XKR6: variants seen among roughly 807,000 people sequenced by gnomAD.
The protein encoded by XKR6 is XK-related protein 6.
Under a neutral mutation model 56.7 loss-of-function variants are expected in XKR6, and 22 were observed. The ratio of observed to expected loss-of-function variants is 0.39; its 90% confidence interval spans 0.28 to 0.55. The LOEUF is 0.55. XKR6 is among the 20% of genes least tolerant of loss of function. The pLI, the probability that XKR6 is intolerant of heterozygous loss-of-function variation, is 0.66. For missense variants in XKR6, 852 were observed against 889.0 expected (o/e 0.96, Z 0.53); for synonymous variants, 524 against 387.8 (o/e 1.35, Z -4.13).
At chr8:10,998,988 T>TC (rs1798179264) in intron 1 of XKR6, among the ~76,000 whole-genome samples, 1 of 152,214 alleles carries the variant, frequency 6.6e-6, no homozygotes, top group Admixed American at 6.5e-5. Flanking sequence ...CAGGAAAACC[T>TC]AGCTCCAGTG....
intron 1 of XKR6, among the ~76,000 whole-genome samples, chr8:11,075,021 G>A (rs991657851): frequency 6.6e-6 from 1 of 152,182 alleles, no homozygotes; most frequent in Non-Finnish European, 1.5e-5. Context: ...GGCTCTGAAT[G>A]GCCCACAGGA....
intron 1 of XKR6, among the ~76,000 whole-genome samples, chr8:11,178,547 A>ATATATATATATATATATATATATATAT: frequency 1.1e-5 from 1 of 88,508 alleles, no homozygotes; most frequent in African/African-American, 5.8e-5. Flanking sequence ...GAGAGGTAAA[A>ATATATATATATATATATATATATATAT]ATATATATAT....
At chr8:11,152,589 A>G (rs1801321240) in intron 1 of XKR6, among the ~76,000 whole-genome samples, 1 of 152,212 alleles carries the variant, frequency 6.6e-6, no homozygotes, top group Non-Finnish European at 1.5e-5. Flanking sequence ...GTTTGTCCTA[A>G]TAAATACAAA....
intron 1 of XKR6, among the ~76,000 whole-genome samples, chr8:11,074,930 TAGGGC>T (rs1480945159): frequency 6.6e-6 from 1 of 152,326 alleles, no homozygotes; most frequent in East Asian, 1.9e-4. Flanking sequence ...AAAGCTGCTC[TAGGGC>T]AGTGGAAAAC....
intron 1 of XKR6, among the ~76,000 whole-genome samples, chr8:11,112,701 G>C (rs1240458036): frequency 6.6e-6 from 1 of 152,162 alleles, no homozygotes; most frequent in South Asian, 2.1e-4. Flanking sequence ...ACAAGGCGAA[G>C]CTGGCCTGGG....
chr8:11,138,426 C>A (rs1231910264), intron 1 of XKR6: 1 of 152,240 alleles, frequency 6.6e-6, no homozygotes, highest in Non-Finnish European at 1.5e-5. Context: ...ATATAGCATA[C>A]TGTAGGTACC....
rs1426116160 is a variant in XKR6 at position 10,901,058 on chromosome 8, T to C, written c.962-2142A>G. On this transcript the variant is annotated intron_variant, in intron 2 of 2. Coordinates refer to ENST00000416569, the MANE Select transcript of XKR6 (RefSeq NM_173683.4). ...TGTAGAGACAGAGTTTCTACTTCTT[T>C]TTTTTTTTTTTTTTTAAGATGGAGT... Among the ~76,000 whole-genome samples the C allele has an allele frequency of 7.5e-5, 11 of 147,484 alleles. 1 individual carries two copies. Among genetic ancestry groups the C allele is most frequent in the East Asian group, 1.9e-4 (1 of 5,140 alleles).
At chr8:10,984,730 C>CTATATATA (rs1292575640) in intron 1 of XKR6, among the ~76,000 whole-genome samples, 182 of 63,628 alleles carry the variant, frequency 2.9e-3, no homozygotes, top group African/African-American at 8.6e-3. Context: ...CTCTCTCTCT[C>CTATATATA]TCTATATATA....
chr8:11,069,572 C>A (rs1323267650), intron 1 of XKR6, among the ~76,000 whole-genome samples: 1 of 152,152 alleles, frequency 6.6e-6, no homozygotes, highest in Non-Finnish European at 1.5e-5. Flanking sequence ...CCCCAACTGC[C>A]ATCTTCCCCT....
chr8:10,910,615 G>A (rs1246148997), intron 2 of XKR6, among the ~76,000 whole-genome samples: 1 of 152,158 alleles, frequency 6.6e-6, no homozygotes, highest in Non-Finnish European at 1.5e-5. Context: ...CAGCTGGCTG[G>A]GGGCTGGCGG....
intron 1 of XKR6, among the ~76,000 whole-genome samples, chr8:10,950,376 G>C (rs889850034): frequency 6.6e-6 from 1 of 152,196 alleles, no homozygotes; most frequent in Admixed American, 6.5e-5. Context: ...GCTAGAAGCA[G>C]TGCACACCCT....
At chr8:11,034,967 G>A (rs1799099620) in intron 1 of XKR6, among the ~76,000 whole-genome samples, 1 of 152,242 alleles carries the variant, frequency 6.6e-6, no homozygotes, top group African/African-American at 2.4e-5. Flanking sequence ...GGTGAGGGAT[G>A]TGGGACTGCC....
chr8:11,118,400 T>G lies in XKR6; in HGVS notation c.764+82176A>C, dbSNP rs181607891. On this transcript the variant is annotated intron_variant, in intron 1 of 2. Coordinates refer to ENST00000416569, the MANE Select transcript of XKR6 (RefSeq NM_173683.4). ...AAGGAATGGTACCAGCTCCTCCTTG[T>G]ACCTCTGGTAGAATTCATCTGTGAA... Among the ~76,000 whole-genome samples the G allele has an allele frequency of 2.1e-3, 316 of 152,342 alleles. 2 individuals carry two copies. Among genetic ancestry groups the G allele is most frequent in the African/African-American group, 7.4e-3 (306 of 41,592 alleles).
At chr8:11,130,441 G>A (rs1038430340) in intron 1 of XKR6, among the ~76,000 whole-genome samples, 2 of 152,052 alleles carry the variant, frequency 1.3e-5, no homozygotes, top group Admixed American at 1.3e-4. Flanking sequence ...TCAGGATCAG[G>A]GGCGAGAACC....
At chr8:11,112,604 G>A (rs1223724254) in intron 1 of XKR6, among the ~76,000 whole-genome samples, 1 of 152,160 alleles carries the variant, frequency 6.6e-6, no homozygotes. Flanking sequence ...AGAGTTCAGA[G>A]TTCATATTTC....
chr8:11,077,140 G>T (rs1800295046), intron 1 of XKR6, among the ~76,000 whole-genome samples: 1 of 152,122 alleles, frequency 6.6e-6, no homozygotes, highest in African/African-American at 2.4e-5. Flanking sequence ...TCACACCACT[G>T]CCCTCCAGCC....
chr8:11,103,914 C>T (rs1798579456), intron 1 of XKR6, among the ~76,000 whole-genome samples: 1 of 152,192 alleles, frequency 6.6e-6, no homozygotes, highest in African/African-American at 2.4e-5. Context: ...GTAATGCCTT[C>T]CACTGTTGCG....
At chr8:11,012,337 A>T (rs191245083) in intron 1 of XKR6, among the ~76,000 whole-genome samples, 1 of 152,324 alleles carries the variant, frequency 6.6e-6, no homozygotes, top group Non-Finnish European at 1.5e-5. Context: ...CTGGCTCTCC[A>T]TTTCTTATTT....
intron 1 of XKR6, among the ~76,000 whole-genome samples, chr8:10,992,072 G>A (rs774187465): frequency 2.0e-5 from 3 of 152,182 alleles, no homozygotes; most frequent in Non-Finnish European, 4.4e-5. Context: ...CTGCCGCCAG[G>A]CCTCCACAGT....
Sources: gnomAD v4.1 joint callset for allele counts (sites outside exome capture counted in the v4.1 genomes callset) on GRCh38, gnomAD v4.1.1 for gene constraint, MANE v1.5 for transcripts, NCBI Gene and HGNC (gene_info 2026-07-23, HGNC 2026-07-21) for gene names.